ADGRV1: variants seen among roughly 807,000 people sequenced by gnomAD.
ADGRV1 encodes G-protein coupled receptor 98.
A neutral mutation model predicts 596.2 loss-of-function variants in ADGRV1; 359 were observed. That is an observed-to-expected ratio of 0.60 (90% CI 0.55 to 0.66). The LOEUF (loss-of-function observed/expected upper bound fraction) is 0.66. Ranked by LOEUF, ADGRV1 falls within the 30% of genes least tolerant of loss-of-function variation. ADGRV1 has a pLI of 0.00. For missense variants in ADGRV1, 7,274 were observed against 7,575.6 expected, an observed-to-expected ratio of 0.96 and a Z score of 1.48; for synonymous variants, 2,681 against 2,679.2, an observed-to-expected ratio of 1.00 and a Z score of -0.02.
intron 1 of ADGRV1, among the ~76,000 whole-genome samples, chr5:90,576,549 T>C (rs1272165022): frequency 2.6e-5 from 4 of 152,314 alleles, no homozygotes; most frequent in Admixed American, 2.0e-4. Flanking sequence ...GTTTTTGCTA[T>C]TGTGAATAGT....
chr5:90,939,975 C>T (rs1275301203), intron 83 of ADGRV1, among the ~76,000 whole-genome samples: 3 of 152,142 alleles, frequency 2.0e-5, no homozygotes, highest in African/African-American at 7.2e-5. Flanking sequence ...TCATTCTTAC[C>T]TAGCCTCATA....
At chr5:91,033,720 T>C (rs1428008458) in intron 85 of ADGRV1, among the ~76,000 whole-genome samples, 3 of 152,210 alleles carry the variant, frequency 2.0e-5, no homozygotes, top group African/African-American at 7.2e-5. Context: ...GTTGTGGCTT[T>C]ATTTTTGGCA....
intron 83 of ADGRV1, among the ~76,000 whole-genome samples, chr5:90,896,860 C>T (rs1322746721): frequency 2.0e-5 from 3 of 152,192 alleles, no homozygotes; most frequent in Non-Finnish European, 4.4e-5. Context: ...TGCACCAGCA[C>T]AAGACAGCAT....
Position 91,022,431 on chromosome 5 carries a change from A to G in ADGRV1, c.18152+36909A>G, listed in dbSNP as rs571875731. Among the ~76,000 whole-genome samples, 5 of 152,174 alleles carry G rather than the reference A, an allele frequency of 3.3e-5. No homozygotes were observed. The East Asian group carries it at 5.8e-4, about 18-fold the overall frequency. ...TTAGTATGAACTCCAAAAATTCTCT[A>G]TGGCTTTTTGCTGCCATAAAAATAG... On this transcript the variant is annotated intron_variant, in intron 85 of 89. Coordinates refer to ENST00000405460, the MANE Select transcript of ADGRV1 (RefSeq NM_032119.4).
At chr5:90,719,909 G>A in intron 43 of ADGRV1, 139 bp from the exon 44 acceptor site, 1 of 666,276 alleles carries the variant, frequency 1.5e-6, no homozygotes, top group Non-Finnish European at 2.6e-6. Flanking sequence ...CACATTATAG[G>A]AATCAGTATT....
chr5:90,770,489 T>C (rs1757578748), intron 59 of ADGRV1, among the ~76,000 whole-genome samples: 1 of 152,164 alleles, frequency 6.6e-6, no homozygotes, highest in Non-Finnish European at 1.5e-5. Context: ...ACTGATTCCT[T>C]CATTAGTGAA....
chr5:91,002,563 G>A (rs551191351), intron 85 of ADGRV1, among the ~76,000 whole-genome samples: 2 of 151,858 alleles, frequency 1.3e-5, no homozygotes, highest in African/African-American at 4.8e-5. Context: ...TGTCTTCTTG[G>A]ATCCTATTTA....
chr5:91,034,238 G>A (rs979332810), intron 85 of ADGRV1, among the ~76,000 whole-genome samples: 1 of 152,030 alleles, frequency 6.6e-6, no homozygotes, highest in Non-Finnish European at 1.5e-5. Flanking sequence ...ACCAGCTATG[G>A]TTAGTCTAAC....
intron 83 of ADGRV1, among the ~76,000 whole-genome samples, chr5:90,940,247 G>A (rs144794657): frequency 1.3e-5 from 2 of 152,282 alleles, no homozygotes; most frequent in Non-Finnish European, 2.9e-5. Flanking sequence ...AATATGAGTT[G>A]CTTTGATTTT....
At chr5:90,563,654 A>G (rs1398679090) in intron 1 of ADGRV1, among the ~76,000 whole-genome samples, 1 of 152,248 alleles carries the variant, frequency 6.6e-6, no homozygotes, top group East Asian at 1.9e-4. Context: ...ACATGACTCA[A>G]AATTAACAAA....
rs993345942 is a variant in ADGRV1, at chr5:90,931,552, C to G, written c.17857-33863C>G. ...TTTTCTTGAAGTAATATAATTCTACCTGGAAGTCAGCATATTTTTAAAAAT... is the reference window on the plus strand; with the variant it reads ...TTTTCTTGAAGTAATATAATTCTACGTGGAAGTCAGCATATTTTTAAAAAT... On this transcript the variant is annotated intron_variant, in intron 83 of 89. Coordinates refer to ENST00000405460, the MANE Select transcript of ADGRV1 (RefSeq NM_032119.4). Among the ~76,000 whole-genome samples, 13 of 152,166 alleles carry G rather than the reference C, an allele frequency of 8.5e-5. No individual in the cohort carries two copies. The East Asian group carries it at 2.1e-3, about 25-fold the overall frequency.
intron 78 of ADGRV1, 112 bp downstream of exon 78, chr5:90,841,097 T>A: frequency 2.1e-5 from 16 of 746,640 alleles, no homozygotes; most frequent in Non-Finnish European, 3.2e-5. Flanking sequence ...GAAATTATGA[T>A]AAATTTAGAT....
chr5:91,048,514 C>G (rs1199361726), intron 85 of ADGRV1, among the ~76,000 whole-genome samples: 2 of 152,188 alleles, frequency 1.3e-5, no homozygotes, highest in African/African-American at 2.4e-5. Context: ...CATCCCTTCC[C>G]CTCAGCTCCA....
At chr5:91,065,055 T>C (rs563081584) in intron 85 of ADGRV1, among the ~76,000 whole-genome samples, 1 of 152,348 alleles carries the variant, frequency 6.6e-6, no homozygotes, top group African/African-American at 2.4e-5. Flanking sequence ...AACATCTGTA[T>C]TCTTCAACTA....
At chr5:91,021,239 G>T (rs1783607906) in intron 85 of ADGRV1, among the ~76,000 whole-genome samples, 1 of 152,018 alleles carries the variant, frequency 6.6e-6, no homozygotes, top group Non-Finnish European at 1.5e-5. Flanking sequence ...TGTCACAAAT[G>T]ATATTTTTGA....
At chr5:91,163,569 A>G (rs1797126441) in intron 89 of ADGRV1, among the ~76,000 whole-genome samples, 1 of 152,258 alleles carries the variant, frequency 6.6e-6, no homozygotes, top group Admixed American at 6.5e-5. Flanking sequence ...GTGTGTCTTT[A>G]GAAATTAATC....
At chr5:90,576,648 C>T (rs1357130669) in intron 1 of ADGRV1, among the ~76,000 whole-genome samples, 2 of 152,178 alleles carry the variant, frequency 1.3e-5, no homozygotes, top group Non-Finnish European at 2.9e-5. Flanking sequence ...ATCACTGGGT[C>T]AAATGGTATT....
chr5:90,854,606 C>G (rs1053165678), intron 81 of ADGRV1, among the ~76,000 whole-genome samples: 1 of 152,174 alleles, frequency 6.6e-6, no homozygotes, highest in African/African-American at 2.4e-5. Flanking sequence ...ATTTATAATT[C>G]TAGTCCACAT....
chr5:90,789,680 C>T, intron 68 of ADGRV1, 22 bp from the exon 69 acceptor site: 1 of 1,421,966 alleles, frequency 7.0e-7, no homozygotes, highest in South Asian at 1.3e-5. Flanking sequence ...AAATTATTTT[C>T]TCTGTTGTTT....
Sources: allele counts gnomAD v4.1 joint callset (sites outside exome capture counted in the v4.1 genomes callset), GRCh38; gene constraint gnomAD v4.1.1; transcripts MANE v1.5; gene names NCBI Gene and HGNC (gene_info 2026-07-23, HGNC 2026-07-21).